Variants in RYR3 observed in about 807,000 individuals in gnomAD.
RYR3 encodes the protein brain ryanodine receptor-calcium release channel.
Under a neutral mutation model 584.3 loss-of-function variants are expected in RYR3, and 207 were observed. The ratio of observed to expected loss-of-function variants is 0.35; its 90% CI spans 0.32 to 0.40. The LOEUF (loss-of-function observed/expected upper bound fraction) is 0.40, where lower values mean the gene tolerates loss of function less well. Ranked by LOEUF, RYR3 falls within the 10% of genes least tolerant of loss-of-function variation. RYR3 has a pLI of 1.00. For synonymous variants in RYR3, 2,416 were observed against 2,248.5 expected (o/e 1.07, Z -2.11); for missense variants, 5,616 against 6,089.2 (o/e 0.92, Z 2.59).
At chr15:33,445,713 A>G (rs564350206) in intron 1 of RYR3, among the ~76,000 whole-genome samples, 2 of 147,398 alleles carry the variant, frequency 1.4e-5, no homozygotes, top group Admixed American at 1.4e-4. Context: ...ACACACACAC[A>G]CGAAAGCCAT....
chr15:33,629,959 G>T lies in RYR3; in HGVS notation c.2699G>T (p.Arg900Ile). The T allele has an allele frequency of 6.2e-7, 1 of 1,602,542 alleles. No individual in the cohort carries two copies. The highest frequency in any genetic ancestry group is 8.5e-7 in the Non-Finnish European group (1 of 1,174,130). Reference protein sequence around the residue: ...TFGKIRDDNKRQHPCLVEFSK... With the variant: ...TFGKIRDDNKIQHPCLVEFSK... ...ACCTAGATACGAGATGACAATAAAA[G>T]ACAACACCCTTGCCTTGTGGAGTTT... is the stretch of plus-strand genomic sequence containing the variant. Residue 900 changes from arginine to isoleucine, a missense_variant, in exon 22 of 104, where the codon AGA becomes ATA. Arg to Ile is a moderately conservative substitution (Grantham distance 97). Coordinates refer to ENST00000634891, the MANE Select transcript of RYR3 (RefSeq NM_001036.6).
rs1371772446 is a variant in RYR3, at chr15:33,848,352, T to A, written c.13559T>A (p.Leu4520Gln). 1 of 1,613,786 alleles carries A rather than the reference T, an allele frequency of 6.2e-7. No homozygotes were observed. Among genetic ancestry groups the A allele is most frequent in the African/African-American group, 1.3e-5 (1 of 75,038 alleles). The change falls in exon 94 of 104, where the codon CTA becomes CAA. Residue 4520 changes from leucine to glutamine, a missense_variant. By Grantham distance (113) the Leu-to-Gln change is moderately radical (BLOSUM62 -2). Around this residue, in one of 9 missense-constraint regions of RYR3, gnomAD observed 918 missense variants for 887.4 expected, o/e 1.03. Coordinates refer to ENST00000634891, the MANE Select transcript of RYR3 (RefSeq NM_001036.6). ...EIARKLEFDG[L>Q]YITEQPSEDD... ...GCCAGGAAGCTGGAGTTTGATGGCC[T>A]ATATATCACCGAACAGCCATCTGAA...
At chr15:33,518,903 T>A (rs1329157596) in intron 3 of RYR3, among the ~76,000 whole-genome samples, 2 of 152,186 alleles carry the variant, frequency 1.3e-5, no homozygotes, top group Admixed American at 1.3e-4. Flanking sequence ...ATTCTAAGAA[T>A]GCAGAATGAA....
intron 1 of RYR3, among the ~76,000 whole-genome samples, chr15:33,361,299 T>C (rs1274973685): frequency 6.6e-6 from 1 of 152,198 alleles, no homozygotes; most frequent in Non-Finnish European, 1.5e-5. Context: ...TTACAAAGGA[T>C]AGAATCCCTC....
chr15:33,842,068 G>A (rs1232641950), intron 91 of RYR3, 33 bp downstream of exon 91: 8 of 1,577,462 alleles, frequency 5.1e-6, no homozygotes, highest in Admixed American at 1.8e-5. Flanking sequence ...TGTTCATGGT[G>A]CAGGGATTGG....
intron 1 of RYR3, among the ~76,000 whole-genome samples, chr15:33,357,802 C>A (rs1210487279): frequency 1.3e-5 from 2 of 152,162 alleles, no homozygotes; most frequent in Non-Finnish European, 2.9e-5. Context: ...ACAGGGTAAT[C>A]TTCCCCCAGC....
At chr15:33,774,969 T>G (rs540746820) in intron 64 of RYR3, among the ~76,000 whole-genome samples, 1 of 152,300 alleles carries the variant, frequency 6.6e-6, no homozygotes, top group South Asian at 2.1e-4. Context: ...TAAGTATACA[T>G]TCACTCATAT....
At chr15:33,676,283 C>G (rs979896642) in intron 38 of RYR3, among the ~76,000 whole-genome samples, 2 of 150,850 alleles carry the variant, frequency 1.3e-5, no homozygotes, top group African/African-American at 4.9e-5. Flanking sequence ...TCTCCCAGAG[C>G]CTTCAGAAAG....
At chr15:33,557,273 T>C (rs2057128123) in intron 10 of RYR3, among the ~76,000 whole-genome samples, 1 of 152,264 alleles carries the variant, frequency 6.6e-6, no homozygotes, top group African/African-American at 2.4e-5. Context: ...TACATACCAC[T>C]TTGTGGGTCC....
intron 43 of RYR3, among the ~76,000 whole-genome samples, chr15:33,711,644 C>T (rs74867702): frequency 0.041 from 6,286 of 152,288 alleles, 449 homozygotes; most frequent in African/African-American, 0.14. Context: ...CCCTAAGGCA[C>T]GAACAGAATG....
At chr15:33,716,919 G>A (rs565792577) in intron 43 of RYR3, among the ~76,000 whole-genome samples, 59 of 152,138 alleles carry the variant, frequency 3.9e-4, no homozygotes, top group African/African-American at 1.2e-3. Context: ...CAAAATGGCA[G>A]TATTATGATC....
intron 42 of RYR3, among the ~76,000 whole-genome samples, chr15:33,703,001 G>C (rs1004584761): frequency 2.0e-5 from 3 of 152,136 alleles, no homozygotes; most frequent in Non-Finnish European, 2.9e-5. Context: ...GATTGTGGCA[G>C]CAGATGGCCT....
At chr15:33,546,782 C>T (rs139618255) in intron 8 of RYR3, among the ~76,000 whole-genome samples, 1 of 152,184 alleles carries the variant, frequency 6.6e-6, no homozygotes, top group East Asian at 1.9e-4. Context: ...TTTGAATCGA[C>T]TCATAATTAT....
At chr15:33,574,959 A>T (rs953755668) in intron 12 of RYR3, among the ~76,000 whole-genome samples, 18 of 152,216 alleles carry the variant, frequency 1.2e-4, no homozygotes, top group African/African-American at 4.3e-4. Flanking sequence ...GCAAAGTGGA[A>T]AAAAGCAGGG....
At chr15:33,842,613 A>G (rs541056758) in intron 91 of RYR3, among the ~76,000 whole-genome samples, 44 of 152,090 alleles carry the variant, frequency 2.9e-4, no homozygotes, top group African/African-American at 1.0e-3. Flanking sequence ...GGCAGCTTCC[A>G]CTCCAGTCTG....
chr15:33,739,442 G>A (rs2069842271), intron 50 of RYR3, among the ~76,000 whole-genome samples: 1 of 152,078 alleles, frequency 6.6e-6, no homozygotes, highest in Admixed American at 6.6e-5. Flanking sequence ...GCTTGGCACA[G>A]CTTACTGTGC....
chr15:33,678,968 C>A (rs2064381245), intron 38 of RYR3, among the ~76,000 whole-genome samples: 1 of 152,218 alleles, frequency 6.6e-6, no homozygotes, highest in Non-Finnish European at 1.5e-5. Flanking sequence ...CAGAGAGGCC[C>A]TGGGGAAGCA....
At chr15:33,421,195 A>G (rs1027099043) in intron 1 of RYR3, among the ~76,000 whole-genome samples, 2 of 152,296 alleles carry the variant, frequency 1.3e-5, no homozygotes, top group Admixed American at 6.5e-5. Flanking sequence ...AGGGGTGCAT[A>G]AGGAGACCAG....
At chr15:33,486,264 G>A (rs1181510920) in intron 2 of RYR3, among the ~76,000 whole-genome samples, 1 of 152,144 alleles carries the variant, frequency 6.6e-6, no homozygotes, top group Non-Finnish European at 1.5e-5. Context: ...TGTTATCAGG[G>A]CCATGCTCCT....
Sources: gnomAD v4.1 joint callset for allele counts (sites outside exome capture counted in the v4.1 genomes callset) on GRCh38, gnomAD v4.1.1 for gene constraint, gnomAD v4.1.1 regional missense constraint, MANE v1.5 for transcripts, NCBI Gene and HGNC (gene_info 2026-07-23, HGNC 2026-07-21) for gene names.